WIPF2: variants seen among roughly 807,000 people sequenced by gnomAD.
WIPF2 encodes the protein WAS/WASL interacting protein family member 2, also known as WAS/WASL-interacting protein family member 2.
A neutral mutation model predicts 38.8 loss-of-function variants in WIPF2; 23 were observed. The ratio of observed to expected loss-of-function variants is 0.59; its 90% CI spans 0.43 to 0.84. WIPF2 has a LOEUF of 0.84. Among genes scored for constraint, WIPF2 ranks in the 40% least tolerant of loss-of-function variants. WIPF2 has a pLI of 0.00. For missense variants in WIPF2, 574 were observed against 580.5 expected (o/e 0.99, Z 0.11); for synonymous variants, 210 against 223.2 (o/e 0.94, Z 0.53).
At chr17:40,224,714 T>A (rs1049304463) in intron 1 of WIPF2, among the ~76,000 whole-genome samples, 1 of 151,810 alleles carries the variant, frequency 6.6e-6, no homozygotes. Context: ...ACTACCAAAT[T>A]GAAAGGATTC....
intron 1 of WIPF2, among the ~76,000 whole-genome samples, chr17:40,226,740 A>C (rs1408657538): frequency 6.6e-6 from 1 of 151,900 alleles, no homozygotes. Flanking sequence ...TAATTTTTTA[A>C]ATTTATTATT....
chr17:40,250,323 C>T (rs1228608045), intron 1 of WIPF2, among the ~76,000 whole-genome samples: 11 of 148,294 alleles, frequency 7.4e-5, no homozygotes, highest in Admixed American at 2.7e-4. Flanking sequence ...CTCTGCCTCC[C>T]GGGTTCACGC....
At chr17:40,271,056 T>C (rs558730720) in intron 5 of WIPF2, among the ~76,000 whole-genome samples, 66 of 152,298 alleles carry the variant, frequency 4.3e-4, no homozygotes, top group African/African-American at 1.6e-3. Flanking sequence ...TATTGCAGCC[T>C]CCATCTCCCA....
intron 1 of WIPF2, among the ~76,000 whole-genome samples, chr17:40,221,037 C>T (rs1240552848): frequency 1.3e-5 from 2 of 152,088 alleles, no homozygotes. Flanking sequence ...CCGCCTCTGC[C>T]TCCCAGAGTT....
In WIPF2 at chr17:40,232,612, C is replaced by A. The variant is rs1433848207; in HGVS notation, c.-70+13120C>A. 6.6e-5 allele frequency among the ~76,000 whole-genome samples: 10 copies of A among 151,780 alleles called. 1 individual carries two copies. Among genetic ancestry groups the A allele is most frequent in the Non-Finnish European group, 1.5e-5 (1 of 67,946 alleles). Reference sequence around the variant, plus strand: ...GGGATTACAGGTATGAGCCACCGTGCCCGGCCAGTAATTGATTTTAATATT... The same window carrying A: ...GGGATTACAGGTATGAGCCACCGTGACCGGCCAGTAATTGATTTTAATATT... On this transcript the variant is annotated intron_variant, in intron 1 of 7. Coordinates refer to ENST00000323571, the MANE Select transcript of WIPF2 (RefSeq NM_133264.5).
At chr17:40,266,955 T>C (rs1415165037) in intron 5 of WIPF2, among the ~76,000 whole-genome samples, 1 of 152,106 alleles carries the variant, frequency 6.6e-6, no homozygotes, top group East Asian at 1.9e-4. Flanking sequence ...GTGGAAAGTT[T>C]ATTCTAATTT....
rs60253561 is a variant in WIPF2, at chr17:40,219,368, TGGCGGC to T, written c.-168_-163del. ...ATTTCCGGGTTGGCAAAAGGGGCGG[TGGCGGC>T]GGCGGCGGCGGCGGCGGCGGCGGCG... On this transcript the variant is annotated 5_prime_UTR_variant, in exon 1 of 8. Coordinates refer to ENST00000323571, the MANE Select transcript of WIPF2 (RefSeq NM_133264.5). The T allele has an allele frequency of 2.0e-3, 756 of 379,662 alleles. 7 individuals are homozygous for T. Among genetic ancestry groups the T allele is most frequent in the African/African-American group, 0.014 (599 of 42,832 alleles). 23.5% of individuals were successfully genotyped at this position (379,662 alleles called of 1,614,324 possible). A position where few individuals can be genotyped will look rare whatever the true frequency, so the allele number is the denominator to read the frequency against.
chr17:40,269,336 A>AATAC (rs1251554379), intron 5 of WIPF2, among the ~76,000 whole-genome samples: 5 of 151,512 alleles, frequency 3.3e-5, no homozygotes, highest in African/African-American at 1.2e-4. Context: ...TAAATAAATA[A>AATAC]ATAAATAAAA....
intron 3 of WIPF2, among the ~76,000 whole-genome samples, chr17:40,262,195 C>G (rs1479949154): frequency 6.6e-6 from 1 of 151,422 alleles, no homozygotes; most frequent in Non-Finnish European, 1.5e-5. Flanking sequence ...AGCCTCCCAT[C>G]TCAGCCTCCC....
At chr17:40,235,141 CG>C (rs1466612661) in intron 1 of WIPF2, among the ~76,000 whole-genome samples, 2 of 151,322 alleles carry the variant, frequency 1.3e-5, no homozygotes, top group Non-Finnish European at 2.9e-5. Context: ...GATGGCCGCC[CG>C]CCTCGGCCTC....
intron 1 of WIPF2, among the ~76,000 whole-genome samples, chr17:40,239,295 T>A (rs1309299584): frequency 6.6e-6 from 1 of 150,990 alleles, no homozygotes; most frequent in East Asian, 2.0e-4. Flanking sequence ...ATGGTCTCGA[T>A]CTCCTGACCT....
intron 4 of WIPF2, 54 bp downstream of exon 4, chr17:40,262,695 T>A: frequency 6.8e-7 from 1 of 1,467,748 alleles, no homozygotes; most frequent in Non-Finnish European, 9.5e-7. Context: ...ATTTCTGATG[T>A]CCCAAGTGGG....
At chr17:40,266,881 A>G (rs891769596) in intron 5 of WIPF2, among the ~76,000 whole-genome samples, 1 of 152,156 alleles carries the variant, frequency 6.6e-6, no homozygotes, top group Non-Finnish European at 1.5e-5. Flanking sequence ...CATAGTAACA[A>G]GAGGGGAGGC....
At chr17:40,239,370 C>G (rs2031100978) in intron 1 of WIPF2, among the ~76,000 whole-genome samples, 1 of 152,112 alleles carries the variant, frequency 6.6e-6, no homozygotes, top group African/African-American at 2.4e-5. Flanking sequence ...TGCGCCCAGC[C>G]TTGGCTTCTG....
In WIPF2 at chr17:40,219,385, G is replaced by T; in HGVS notation, c.-177G>T. The T allele has an allele frequency of 2.4e-6, 1 of 416,490 alleles. No individual in the cohort carries two copies. Among genetic ancestry groups the T allele is most frequent in the African/African-American group, 2.3e-5 (1 of 43,978 alleles). 25.8% of individuals were successfully genotyped at this position (416,490 alleles called of 1,614,324 possible). A position where few individuals can be genotyped will look rare whatever the true frequency, so the allele number is the denominator to read the frequency against. On this transcript the variant is annotated 5_prime_UTR_variant, in exon 1 of 8. Coordinates refer to ENST00000323571, the MANE Select transcript of WIPF2 (RefSeq NM_133264.5). ...AGGGGCGGTGGCGGCGGCGGCGGCGGCGGCGGCGGCGGCGACGGCGAGAAA... is the reference window on the plus strand; with the variant it reads ...AGGGGCGGTGGCGGCGGCGGCGGCGTCGGCGGCGGCGGCGACGGCGAGAAA...
chr17:40,226,899 G>A (rs1237990676), intron 1 of WIPF2, among the ~76,000 whole-genome samples: 1 of 151,908 alleles, frequency 6.6e-6, no homozygotes, highest in African/African-American at 2.4e-5. Flanking sequence ...ACGCCACCAT[G>A]CCCAACTAAT....
intron 6 of WIPF2, among the ~76,000 whole-genome samples, chr17:40,276,127 A>G (rs2032391082): frequency 6.6e-6 from 1 of 152,210 alleles, no homozygotes; most frequent in Non-Finnish European, 1.5e-5. Flanking sequence ...ATCTGGTCAA[A>G]TCTCTCACTA....
chr17:40,258,577 C>G (rs187871282), intron 2 of WIPF2, among the ~76,000 whole-genome samples: 2 of 151,608 alleles, frequency 1.3e-5, no homozygotes, highest in Admixed American at 6.6e-5. Context: ...GATGACAGAG[C>G]GAGACTCTGT....
chr17:40,268,407 C>T (rs1183282202), intron 5 of WIPF2, among the ~76,000 whole-genome samples: 1 of 152,052 alleles, frequency 6.6e-6, no homozygotes, highest in East Asian at 1.9e-4. Context: ...TTACAAAAGA[C>T]TCTTTGTCTG....
Sources: gnomAD v4.1 joint callset for allele counts (sites outside exome capture counted in the v4.1 genomes callset) on GRCh38, gnomAD v4.1.1 for gene constraint, MANE v1.5 for transcripts, NCBI Gene and HGNC (gene_info 2026-07-23, HGNC 2026-07-21) for gene names.